DYM: variants seen among roughly 807,000 people sequenced by gnomAD.
The protein encoded by DYM is dymeclin.
DYM carries 78 observed loss-of-function variants against 93.1 expected under a neutral mutation model. The observed-to-expected ratio is 0.84, with a 90% CI of 0.70 to 1.01. DYM has a LOEUF of 1.01. Ranked by LOEUF, DYM falls within the 50% of genes least tolerant of loss-of-function variation. The pLI is 0.00. For synonymous variants in DYM, 321 were observed against 319.7 expected, an observed-to-expected ratio of 1.00 and a Z score of -0.04; for missense variants, 789 against 845.0, an observed-to-expected ratio of 0.93 and a Z score of 0.82.
chr18:49,089,466 C>T (rs562112639), intron 17 of DYM, among the ~76,000 whole-genome samples: 1 of 152,196 alleles, frequency 6.6e-6, no homozygotes, highest in African/African-American at 2.4e-5. Flanking sequence ...AGTGAAAGTT[C>T]TCTGTCTTTT....
At chr18:49,146,794 C>T (rs1252564417) in intron 15 of DYM, among the ~76,000 whole-genome samples, 1 of 152,128 alleles carries the variant, frequency 6.6e-6, no homozygotes, top group Non-Finnish European at 1.5e-5. Flanking sequence ...AGATTCAATG[C>T]CATCCCCATC....
At position 49,389,306 on chromosome 18, in the gene DYM, G is replaced by A. The variant is rs1406085938; in HGVS notation, c.193+2287C>T. ...GTGAAAAACACAGATTAAAATGTGT[G>A]TGTGTGTCTGTGTGTGTGTGTGTGT... On this transcript the variant is annotated intron_variant, in intron 3 of 17. Transcript: ENST00000675505. Among the ~76,000 whole-genome samples the A allele has an allele frequency of 2.6e-5, 4 of 152,084 alleles. No individual in the cohort carries two copies. In the East Asian group the frequency reaches 7.7e-4, roughly 29 times the overall value.
At chr18:49,239,269 T>A (rs769749221) in intron 13 of DYM, among the ~76,000 whole-genome samples, 7 of 152,236 alleles carry the variant, frequency 4.6e-5, no homozygotes, top group Non-Finnish European at 1.0e-4. Flanking sequence ...AGCATTTGAA[T>A]GGATTCAGCT....
chr18:49,123,346 C>G (rs2082542698), intron 15 of DYM, among the ~76,000 whole-genome samples: 1 of 152,168 alleles, frequency 6.6e-6, no homozygotes, highest in Non-Finnish European at 1.5e-5. Flanking sequence ...TGCAATCATA[C>G]TAAAGACAGT....
chr18:49,238,674 G>A (rs1203881718), intron 13 of DYM, among the ~76,000 whole-genome samples: 3 of 151,878 alleles, frequency 2.0e-5, no homozygotes, highest in African/African-American at 7.3e-5. Context: ...TTTAGCTAAA[G>A]CATCTCCCTA....
Position 49,363,190 on chromosome 18 carries a change from C to A in DYM, c.465G>T (p.Leu155Phe). The change falls in exon 6 of 18, where the codon TTG becomes TTT. Residue 155 changes from leucine to phenylalanine, a missense_variant. Physicochemically the swap from Leu to Phe is conservative, Grantham distance 22. Coordinates refer to ENST00000675505, the MANE Select transcript of DYM (RefSeq NM_001353214.3). ...GTGGAATATCAGTGATCAACTGCAT[C>A]AAACAGCACAGCAATTCTTCCAAAA... ...EDLLEELLCC[L>F]MQLITDIPLL... is the part of the protein sequence containing the mutation. 6.2e-7 allele frequency: 1 copy of A among 1,613,964 alleles called. No individual in the cohort carries two copies. Among genetic ancestry groups the A allele is most frequent in the Non-Finnish European group, 8.5e-7 (1 of 1,179,896 alleles).
chr18:49,454,641 T>C (rs2148727662), intron 1 of DYM, among the ~76,000 whole-genome samples: 1 of 152,020 alleles, frequency 6.6e-6, no homozygotes, highest in East Asian at 1.9e-4. Context: ...GGCTCAGGCC[T>C]GTAATCCCAA....
intron 17 of DYM, among the ~76,000 whole-genome samples, chr18:49,088,498 C>T (rs2078757518): frequency 6.7e-6 from 1 of 148,628 alleles, no homozygotes. Context: ...CAACATGGTG[C>T]ATGTATACAT....
intron 17 of DYM, among the ~76,000 whole-genome samples, chr18:49,076,986 G>A (rs751024211): frequency 3.3e-5 from 5 of 152,166 alleles, no homozygotes; most frequent in Non-Finnish European, 5.9e-5. Context: ...ATGGTGCCCT[G>A]CACAACACGG....
At chr18:49,065,445 C>G (rs1207169882) in intron 17 of DYM, among the ~76,000 whole-genome samples, 3 of 152,196 alleles carry the variant, frequency 2.0e-5, no homozygotes, top group Non-Finnish European at 4.4e-5. Context: ...TCACCGCAAC[C>G]TCCGCCTCCT....
intron 17 of DYM, among the ~76,000 whole-genome samples, chr18:49,085,198 T>C (rs1372679966): frequency 6.6e-6 from 1 of 152,192 alleles, no homozygotes; most frequent in Non-Finnish European, 1.5e-5. Context: ...GTATAAAATA[T>C]GTTCCCTCCA....
At chr18:49,241,307 C>A (rs1262428208) in intron 13 of DYM, among the ~76,000 whole-genome samples, 1 of 152,194 alleles carries the variant, frequency 6.6e-6, no homozygotes, top group African/African-American at 2.4e-5. Flanking sequence ...CCAAAAAGAA[C>A]ATTTCTACGC....
chr18:49,309,076 T>C (rs1367103561), intron 8 of DYM, among the ~76,000 whole-genome samples: 1 of 152,218 alleles, frequency 6.6e-6, no homozygotes, highest in African/African-American at 2.4e-5. Flanking sequence ...TACGTTAGTA[T>C]TGTTATCGCA....
At chr18:49,125,118 G>A (rs1028154478) in intron 15 of DYM, among the ~76,000 whole-genome samples, 1 of 152,092 alleles carries the variant, frequency 6.6e-6, no homozygotes, top group Non-Finnish European at 1.5e-5. Flanking sequence ...AAAGTAGCTG[G>A]GTGTGGTGGC....
intron 9 of DYM, among the ~76,000 whole-genome samples, chr18:49,284,451 C>CT (rs1211026042): frequency 2.0e-5 from 3 of 152,136 alleles, no homozygotes; most frequent in African/African-American, 4.8e-5. Context: ...AAGTTCAGCC[C>CT]TAAATACCAA....
intron 14 of DYM, among the ~76,000 whole-genome samples, chr18:49,189,236 C>T (rs1316548821): frequency 6.6e-6 from 1 of 152,168 alleles, no homozygotes; most frequent in African/African-American, 2.4e-5. Flanking sequence ...ACGGGATCAA[C>T]AGAAGTCCAA....
intron 1 of DYM, among the ~76,000 whole-genome samples, chr18:49,458,169 A>C (rs777286994): frequency 1.1e-4 from 17 of 152,250 alleles, no homozygotes; most frequent in Non-Finnish European, 1.9e-4. Context: ...ATTATCTAGA[A>C]AAGCATAACC....
chr18:49,365,832 T>G lies in DYM; in HGVS notation c.422-2599A>C, dbSNP rs573507418. ...CTTCCAGGGGTATAAAAACACCTAA[T>G]TTTTACATCTTAAAATGATGACAAG... On this transcript the variant is annotated intron_variant, in intron 5 of 17. Transcript: ENST00000675505. 2.0e-5 allele frequency among the ~76,000 whole-genome samples: 3 copies of G among 152,242 alleles called. No individual in the cohort carries two copies. In the East Asian group the frequency reaches 5.8e-4, roughly 29 times the overall value.
At chr18:49,233,060 A>G (rs561890592) in intron 13 of DYM, among the ~76,000 whole-genome samples, 8 of 152,276 alleles carry the variant, frequency 5.3e-5, no homozygotes, top group African/African-American at 1.4e-4. Context: ...ATTTAATACA[A>G]TATCTAAAAA....
Sources: gnomAD v4.1 joint callset for allele counts (sites outside exome capture counted in the v4.1 genomes callset) on GRCh38, gnomAD v4.1.1 for gene constraint, MANE v1.5 for transcripts, NCBI Gene and HGNC (gene_info 2026-07-23, HGNC 2026-07-21) for gene names.